SEPTIN7: variants seen among roughly 807,000 people sequenced by gnomAD.
SEPTIN7 encodes septin 7.
Under a neutral mutation model 63.3 loss-of-function variants are expected in SEPTIN7, and 10 were observed. That is an observed-to-expected ratio of 0.16 (90% CI 0.10 to 0.27). The LOEUF (loss-of-function observed/expected upper bound fraction) is 0.27. SEPTIN7 is among the 10% of genes least tolerant of loss of function. The pLI is 1.00. For missense variants in SEPTIN7, 310 were observed against 521.0 expected, an observed-to-expected ratio of 0.59 and a Z score of 3.94; for synonymous variants, 131 against 165.3, an observed-to-expected ratio of 0.79 and a Z score of 1.59.
chr7:35,807,019 A>G (rs1299650203), intron 1 of SEPTIN7, among the ~76,000 whole-genome samples: 2 of 152,196 alleles, frequency 1.3e-5, no homozygotes, highest in Non-Finnish European at 1.5e-5. Flanking sequence ...TATATTTGAA[A>G]TATTCCTGCA....
intron 1 of SEPTIN7, among the ~76,000 whole-genome samples, chr7:35,804,683 A>G (rs1224819264): frequency 6.6e-6 from 1 of 152,158 alleles, no homozygotes. Flanking sequence ...TTGAGAAATC[A>G]TAGAGTATTT....
chr7:35,856,952 G>T (rs1288595990), intron 3 of SEPTIN7, among the ~76,000 whole-genome samples: 1 of 152,110 alleles, frequency 6.6e-6, no homozygotes, highest in African/African-American at 2.4e-5. Flanking sequence ...AATTGAATTC[G>T]ATTCTAGGGG....
chr7:35,863,482 G>C, intron 3 of SEPTIN7, 70 bp from the exon 4 acceptor site: 1 of 852,504 alleles, frequency 1.2e-6, no homozygotes, highest in Non-Finnish European at 1.8e-6. Context: ...TTTGATTATA[G>C]CATCTGTTGA....
chr7:35,902,845 T>A (rs1266635657), intron 12 of SEPTIN7: 10 of 479,500 alleles, frequency 2.1e-5, no homozygotes, highest in Non-Finnish European at 3.3e-5. Flanking sequence ...TGTTGCTTTT[T>A]TTTTTTTTCC....
At chr7:35,842,595 G>A (rs567008951) in intron 3 of SEPTIN7, among the ~76,000 whole-genome samples, 83 of 152,210 alleles carry the variant, frequency 5.5e-4, no homozygotes, top group African/African-American at 1.9e-3. Context: ...CAGATTGCAT[G>A]TTTAGAATCT....
At chr7:35,836,657 G>C (rs1479153019) in intron 3 of SEPTIN7, among the ~76,000 whole-genome samples, 1 of 151,974 alleles carries the variant, frequency 6.6e-6, no homozygotes, top group Non-Finnish European at 1.5e-5. Flanking sequence ...AGAAAGTTTA[G>C]GAGTTACTTA....
intron 3 of SEPTIN7, among the ~76,000 whole-genome samples, chr7:35,862,365 A>G (rs1334089041): frequency 6.6e-6 from 1 of 152,154 alleles, no homozygotes; most frequent in Non-Finnish European, 1.5e-5. Context: ...TAATTAGCAT[A>G]CTTTTGTTTT....
intron 6 of SEPTIN7, chr7:35,874,160 T>C: frequency 6.3e-6 from 1 of 158,374 alleles, no homozygotes. Flanking sequence ...CTATTTATTA[T>C]AAGTTTCATA....
At chr7:35,900,417 C>G (rs1788249568) in intron 12 of SEPTIN7, 2 of 152,184 alleles carry the variant, frequency 1.3e-5, no homozygotes, top group South Asian at 4.1e-4. Flanking sequence ...ACACACACCC[C>G]TAATCAAAAG....
Position 35,863,974 on chromosome 7 carries a change from G to C in SEPTIN7, c.276+316G>C, listed in dbSNP as rs564081123. 5.3e-5 allele frequency among the ~76,000 whole-genome samples: 8 copies of C among 149,534 alleles called. 1 individual carries two copies. In the South Asian group the frequency reaches 1.7e-3, roughly 32 times the overall value. ...CACATGTTTAAATAAATTAAAATTA[G>C]TTAAATTAAAAATGCAATTTCTCAT... On this transcript the variant is annotated intron_variant, in intron 4 of 13. Coordinates refer to ENST00000350320, the MANE Select transcript of SEPTIN7 (RefSeq NM_001788.6).
At chr7:35,845,809 G>T (rs1325279912) in intron 3 of SEPTIN7, among the ~76,000 whole-genome samples, 1 of 151,974 alleles carries the variant, frequency 6.6e-6, no homozygotes, top group East Asian at 1.9e-4. Context: ...AGACTCTTAG[G>T]AATTGATTTT....
downstream of SEPTIN7, among the ~76,000 whole-genome samples, chr7:35,908,390 GACCCA>G (rs1369288890): frequency 6.6e-6 from 1 of 152,206 alleles, no homozygotes; most frequent in Non-Finnish European, 1.5e-5. Context: ...TGGGGTGCTG[GACCCA>G]GCCAAACAGC....
At chr7:35,812,136 A>C (rs1220185394) in intron 1 of SEPTIN7, 5 of 193,448 alleles carry the variant, frequency 2.6e-5, no homozygotes, top group South Asian at 5.5e-5. Flanking sequence ...AACAAAAAAA[A>C]AAAAAACAAA....
At chr7:35,879,304 C>T (rs925485454) in intron 6 of SEPTIN7, among the ~76,000 whole-genome samples, 3 of 151,762 alleles carry the variant, frequency 2.0e-5, no homozygotes, top group African/African-American at 7.3e-5. Context: ...GGCAACCTGG[C>T]GAGACATTGT....
rs1439642539 is a variant in SEPTIN7 at position 35,801,133 on chromosome 7, T to C, written c.-77T>C. The C allele has an allele frequency of 8.0e-7, 1 of 1,257,264 alleles. No individual in the cohort carries two copies. The highest frequency in any genetic ancestry group is 1.1e-6 in the Non-Finnish European group (1 of 934,954). The allele number at this position is 1,257,264 out of a possible 1,614,324, so 77.9% of individuals were successfully genotyped here. On this transcript the variant is annotated 5_prime_UTR_variant, in exon 1 of 14. Coordinates refer to ENST00000350320, the MANE Select transcript of SEPTIN7 (RefSeq NM_001788.6). ...AGGCAGCTACGCCGGGCGGCTACGC[T>C]GCGGAATCGGCGTAGGCGCCTTTGG...
At chr7:35,830,138 G>A (rs916666846) in intron 1 of SEPTIN7, among the ~76,000 whole-genome samples, 10 of 151,732 alleles carry the variant, frequency 6.6e-5, no homozygotes, top group Non-Finnish European at 1.2e-4. Context: ...AGCCGAGATC[G>A]CGCCACTGCC....
chr7:35,830,487 A>G (rs1039981864), intron 1 of SEPTIN7, among the ~76,000 whole-genome samples: 2 of 152,160 alleles, frequency 1.3e-5, no homozygotes, highest in African/African-American at 4.8e-5. Flanking sequence ...CAGCTGAGAC[A>G]TTAGGATTTT....
chr7:35,896,709 T>A (rs937065469), intron 11 of SEPTIN7, among the ~76,000 whole-genome samples: 1 of 152,250 alleles, frequency 6.6e-6, no homozygotes, highest in African/African-American at 2.4e-5. Flanking sequence ...AGTTAATATG[T>A]CTGGTTAGTT....
chr7:35,820,804 A>C (rs1789366282), intron 1 of SEPTIN7, among the ~76,000 whole-genome samples: 1 of 152,294 alleles, frequency 6.6e-6, no homozygotes, highest in South Asian at 2.1e-4. Flanking sequence ...GACATTTTAA[A>C]TATTTCAAAT....
Sources: gnomAD v4.1 joint callset for allele counts (sites outside exome capture counted in the v4.1 genomes callset) on GRCh38, gnomAD v4.1.1 for gene constraint, MANE v1.5 for transcripts, NCBI Gene and HGNC (gene_info 2026-07-23, HGNC 2026-07-21) for gene names.